DLGAP1: variants seen among roughly 807,000 people sequenced by gnomAD.
The protein encoded by DLGAP1 is DLG associated protein 1, also known as disks large-associated protein 1.
Under a neutral mutation model 90.8 loss-of-function variants are expected in DLGAP1, and 11 were observed. That is an observed-to-expected ratio of 0.12 (90% confidence interval 0.08 to 0.20). The LOEUF (loss-of-function observed/expected upper bound fraction) is 0.20. DLGAP1 is among the 10% of genes least tolerant of loss of function. The probability of loss-of-function intolerance (pLI) is 1.00; values close to 1 mark genes in which losing one functional copy is unlikely to be tolerated. For missense variants in DLGAP1, 1,050 were observed against 1,333.8 expected (o/e 0.79, Z 3.31); for synonymous variants, 558 against 540.7 (o/e 1.03, Z -0.44).
At chr18:4,135,426 G>T (rs1408279911) in intron 2 of DLGAP1, among the ~76,000 whole-genome samples, 1 of 152,126 alleles carries the variant, frequency 6.6e-6, no homozygotes, top group Non-Finnish European at 1.5e-5. Flanking sequence ...TTAATTTAAG[G>T]CAGTAATTCA....
In DLGAP1 at chr18:3,629,236, G is replaced by C. The variant is rs73381295; in HGVS notation, c.1592-46988C>G. 2.0e-5 allele frequency among the ~76,000 whole-genome samples: 3 copies of C among 152,016 alleles called. No individual in the cohort carries two copies. In the East Asian group the frequency reaches 5.8e-4, roughly 29 times the overall value. On this transcript the variant is annotated intron_variant, in intron 7 of 12. Transcript: ENST00000315677. ...GAGACTAGCCTGGGTAACACAGCAAGACGCCATCTCTAAAAAAATAAATAG... is the reference window on the plus strand; with the variant it reads ...GAGACTAGCCTGGGTAACACAGCAACACGCCATCTCTAAAAAAATAAATAG...
chr18:3,980,554 T>A (rs1244219447), intron 3 of DLGAP1, among the ~76,000 whole-genome samples: 1 of 152,198 alleles, frequency 6.6e-6, no homozygotes, highest in African/African-American at 2.4e-5. Context: ...CCTAGCTGAA[T>A]ACCAGAGCTT....
At chr18:3,717,119 T>C (rs936633085) in intron 7 of DLGAP1, among the ~76,000 whole-genome samples, 19 of 151,250 alleles carry the variant, frequency 1.3e-4, no homozygotes, top group Non-Finnish European at 2.4e-4. Context: ...TACTATCTTG[T>C]AAGCCTTTTG....
At chr18:3,993,603 G>T (rs1474187270) in intron 3 of DLGAP1, among the ~76,000 whole-genome samples, 1 of 152,110 alleles carries the variant, frequency 6.6e-6, no homozygotes, top group African/African-American at 2.4e-5. Flanking sequence ...TATTTTCCCT[G>T]GTGGAGTTTC....
intron 7 of DLGAP1, among the ~76,000 whole-genome samples, chr18:3,697,782 G>A (rs2061144190): frequency 6.6e-6 from 1 of 152,008 alleles, no homozygotes; most frequent in Non-Finnish European, 1.5e-5. Flanking sequence ...TTGACAGAGG[G>A]GTGTTTAAGT....
rs141104996 is a variant in DLGAP1 at position 3,964,315 on chromosome 18, T to C, written c.-73+40801A>G. Among the ~76,000 whole-genome samples the C allele has an allele frequency of 4.6e-3, 693 of 152,276 alleles. 6 individuals are homozygous for C. The highest frequency in any genetic ancestry group is 0.016 in the African/African-American group (660 of 41,552). ...GAAAAAGGCCCAGGAAAAAATTCAA[T>C]GTTTCCACCTTGGGAAAATGGGCCA... On this transcript the variant is annotated intron_variant, in intron 3 of 12. Transcript: ENST00000315677.
intron 2 of DLGAP1, among the ~76,000 whole-genome samples, chr18:4,007,336 G>A (rs1395666067): frequency 6.6e-6 from 1 of 151,946 alleles, no homozygotes; most frequent in Admixed American, 6.6e-5. Context: ...GTTTCCCCTC[G>A]TGCTGTTTTA....
At chr18:3,626,678 G>A (rs1162276400) in intron 7 of DLGAP1, among the ~76,000 whole-genome samples, 1 of 151,956 alleles carries the variant, frequency 6.6e-6, no homozygotes, top group Non-Finnish European at 1.5e-5. Context: ...GGTGGAGGTG[G>A]GCGGATCACT....
chr18:3,938,017 G>A (rs1459784236), intron 3 of DLGAP1, among the ~76,000 whole-genome samples: 1 of 152,152 alleles, frequency 6.6e-6, no homozygotes, highest in Non-Finnish European at 1.5e-5. Context: ...TATGAAATGT[G>A]GTTATCTAGC....
intron 7 of DLGAP1, among the ~76,000 whole-genome samples, chr18:3,633,782 G>A (rs1056473136): frequency 6.6e-6 from 1 of 152,092 alleles, no homozygotes; most frequent in Non-Finnish European, 1.5e-5. Flanking sequence ...ATTTCAAATG[G>A]TTTAAGAGAC....
intron 7 of DLGAP1, among the ~76,000 whole-genome samples, chr18:3,635,584 T>C (rs1339911958): frequency 6.6e-6 from 1 of 151,548 alleles, no homozygotes; most frequent in African/African-American, 2.4e-5. Context: ...GCTGGGGATG[T>C]ACTTTAATGA....
intron 2 of DLGAP1, among the ~76,000 whole-genome samples, chr18:4,024,951 G>A (rs901143864): frequency 6.6e-6 from 1 of 152,136 alleles, no homozygotes; most frequent in Admixed American, 6.6e-5. Flanking sequence ...TCATCAATAT[G>A]AAGGGACCAG....
intron 7 of DLGAP1, among the ~76,000 whole-genome samples, chr18:3,594,655 T>C (rs891761026): frequency 6.6e-6 from 1 of 151,976 alleles, no homozygotes; most frequent in Admixed American, 6.6e-5. Context: ...GGATTTTCGT[T>C]GTTGTTGTTT....
intron 2 of DLGAP1, among the ~76,000 whole-genome samples, chr18:4,080,188 C>G (rs1166863393): frequency 6.6e-6 from 1 of 152,042 alleles, no homozygotes; most frequent in Non-Finnish European, 1.5e-5. Context: ...CAGTGCTTTC[C>G]TTTATAAAAT....
intron 7 of DLGAP1, among the ~76,000 whole-genome samples, chr18:3,601,379 C>T (rs1363800792): frequency 6.6e-6 from 1 of 152,022 alleles, no homozygotes; most frequent in African/African-American, 2.4e-5. Context: ...AGCCACTGCG[C>T]CTGGCCCAGA....
At chr18:3,534,166 G>A (rs372367441) in intron 10 of DLGAP1, 28 bp downstream of exon 10, 61 of 1,594,080 alleles carry the variant, frequency 3.8e-5, no homozygotes, top group Non-Finnish European at 4.6e-5. Context: ...CCCAGGGGAC[G>A]GGTGTGGCAC....
At chr18:3,818,207 T>C (rs953991106) in intron 4 of DLGAP1, among the ~76,000 whole-genome samples, 20 of 152,206 alleles carry the variant, frequency 1.3e-4, no homozygotes, top group African/African-American at 3.6e-4. Flanking sequence ...TTAGTGTGCA[T>C]TGTCTATTTC....
chr18:3,803,131 G>A (rs986694762), intron 5 of DLGAP1, among the ~76,000 whole-genome samples: 11 of 152,126 alleles, frequency 7.2e-5, no homozygotes, highest in Non-Finnish European at 1.6e-4. Flanking sequence ...CTCCCAGGAT[G>A]ACAAAACTGA....
At chr18:4,316,461 T>A (rs779378807) in intron 1 of DLGAP1, among the ~76,000 whole-genome samples, 18 of 152,172 alleles carry the variant, frequency 1.2e-4, no homozygotes, top group Admixed American at 4.6e-4. Context: ...TTAGCAAGCC[T>A]GCTTCAATGA....
Sources: gnomAD v4.1 joint callset for allele counts (sites outside exome capture counted in the v4.1 genomes callset) on GRCh38, gnomAD v4.1.1 for gene constraint, MANE v1.5 for transcripts, NCBI Gene and HGNC (gene_info 2026-07-23, HGNC 2026-07-21) for gene names.